TENM1: variants seen among roughly 807,000 people sequenced by gnomAD.
TENM1 encodes the protein teneurin-1.
In TENM1, 35 loss-of-function variants were observed where a neutral mutation model predicts 174.8. That is an observed-to-expected ratio of 0.20 (90% CI 0.15 to 0.27). TENM1 has a LOEUF of 0.27. TENM1 is among the 10% of genes least tolerant of loss of function. The pLI is 1.00. For missense variants in TENM1, 1,633 were observed against 2,130.1 expected, an observed-to-expected ratio of 0.77 and a Z score of 4.59; for synonymous variants, 781 against 798.7, an observed-to-expected ratio of 0.98 and a Z score of 0.37.
At chrX:124,442,822 C>T (rs1331092953) in intron 23 of TENM1, among the ~76,000 whole-genome samples, 2 of 109,593 alleles carry the variant, frequency 1.8e-5, no homozygotes, top group African/African-American at 3.3e-5. Flanking sequence ...CCACCATGCC[C>T]GACTAATGTT....
the TENM1 span, among the ~76,000 whole-genome samples, chrX:125,022,802 A>T: frequency 8.9e-6 from 1 of 111,896 alleles, no homozygotes; most frequent in Admixed American, 9.5e-5. Context: ...TTAGGGCTAC[A>T]TTAGTTGTGT....
chrX:124,745,187 C>T (rs1243257734), intron 3 of TENM1, among the ~76,000 whole-genome samples: 1 of 111,160 alleles, frequency 9.0e-6, no homozygotes, highest in African/African-American at 3.3e-5. Flanking sequence ...AAGAAAGATC[C>T]CCTGTACTCC....
chrX:124,578,697 G>A (rs2049230057), intron 11 of TENM1, among the ~76,000 whole-genome samples: 1 of 111,659 alleles, frequency 9.0e-6, no homozygotes, highest in Non-Finnish European at 1.9e-5. Context: ...TCTCACAAAA[G>A]CCTCCTCATC....
intron 7 of TENM1, 101 bp downstream of exon 10, chrX:124,653,483 C>T: frequency 1.6e-6 from 1 of 639,082 alleles, no homozygotes; most frequent in South Asian, 2.9e-5. Flanking sequence ...TTTTTCTGTC[C>T]TTACCTTTGA....
chrX:124,931,466 A>G (rs2058169943), intron 1 of TENM1, among the ~76,000 whole-genome samples: 1 of 111,152 alleles, frequency 9.0e-6, no homozygotes, highest in Non-Finnish European at 1.9e-5. Context: ...GCTGTCAGGC[A>G]CACCTGTTCT....
At chrX:125,000,496 T>C in the TENM1 span, among the ~76,000 whole-genome samples, 1 of 111,899 alleles carries the variant, frequency 8.9e-6, no homozygotes, top group South Asian at 3.7e-4. Flanking sequence ...TTTAGGAGGC[T>C]CATGTTTCTA....
intron 23 of TENM1, among the ~76,000 whole-genome samples, chrX:124,444,641 G>GT (rs1205592661): frequency 1.3e-3 from 140 of 103,992 alleles, no homozygotes; most frequent in African/African-American, 1.5e-3. Context: ...TGTGGCTAAA[G>GT]TTTTTTTTTT....
At chrX:125,138,075 C>T in the TENM1 span, among the ~76,000 whole-genome samples, 1 of 110,858 alleles carries the variant, frequency 9.0e-6, no homozygotes, top group African/African-American at 3.3e-5. Flanking sequence ...TCACCCCTCC[C>T]CTATAGGTCT....
rs188741802 is a variant in TENM1, at chrX:124,917,869, C to T, written c.218-21628G>A. Among the ~76,000 whole-genome samples, 295 of 112,144 alleles carry T rather than the reference C, an allele frequency of 2.6e-3. 1 individual carries two copies. The highest frequency in any genetic ancestry group is 3.8e-3 in the Non-Finnish European group (204 of 53,287). On this transcript the variant is annotated intron_variant, in intron 1 of 31. Coordinates refer to ENST00000422452, the Ensembl canonical transcript of TENM1. The stretch of plus-strand genomic sequence containing the variant: ...AATAAAGCCACTTGACTATTATTTG[C>T]TCATCACTCTTCCATGATAGCCAGG...
chrX:124,512,579 A>G (rs751373884), intron 18 of TENM1, among the ~76,000 whole-genome samples: 16 of 111,433 alleles, frequency 1.4e-4, no homozygotes, highest in Non-Finnish European at 2.8e-4. Flanking sequence ...ATCAGTTACC[A>G]CTGATACTTC....
the TENM1 span, among the ~76,000 whole-genome samples, chrX:125,099,361 T>A: frequency 1.8e-5 from 2 of 112,280 alleles, no homozygotes; most frequent in African/African-American, 6.5e-5. Context: ...ATGCACAGAT[T>A]CCGTGGCAAT....
At chrX:124,977,071 G>C in the TENM1 span, among the ~76,000 whole-genome samples, 1 of 111,893 alleles carries the variant, frequency 8.9e-6, no homozygotes, top group African/African-American at 3.2e-5. Flanking sequence ...CATTGAACTT[G>C]GAGTCAGGAA....
At chrX:125,099,858 T>A in the TENM1 span, among the ~76,000 whole-genome samples, 1 of 112,035 alleles carries the variant, frequency 8.9e-6, no homozygotes, top group South Asian at 3.7e-4. Context: ...TTCTAAATTA[T>A]CCTTTTAATA....
chrX:124,511,669 T>A (rs751641951), intron 18 of TENM1, among the ~76,000 whole-genome samples: 1 of 112,396 alleles, frequency 8.9e-6, no homozygotes, highest in East Asian at 2.8e-4. Flanking sequence ...ATAATATATG[T>A]GAAAGTAGTT....
At chrX:124,871,957 A>C (rs2057116250) in intron 3 of TENM1, among the ~76,000 whole-genome samples, 1 of 105,410 alleles carries the variant, frequency 9.5e-6, no homozygotes, top group Non-Finnish European at 1.9e-5. Context: ...GCTTGAACCC[A>C]GGAGGCCGAG....
intron 22 of TENM1, among the ~76,000 whole-genome samples, chrX:124,475,752 T>C (rs1164109303): frequency 3.6e-5 from 4 of 111,641 alleles, no homozygotes; most frequent in African/African-American, 1.3e-4. Flanking sequence ...CTTATACAGA[T>C]GAGTACTCCC....
intron 1 of TENM1, among the ~76,000 whole-genome samples, chrX:124,904,283 A>G (rs1334624181): frequency 1.8e-5 from 2 of 111,950 alleles, no homozygotes; most frequent in Non-Finnish European, 3.8e-5. Context: ...AGATGCCAAG[A>G]TAGAATGGTA....
At chrX:125,135,336 T>C in the TENM1 span, among the ~76,000 whole-genome samples, 2 of 111,949 alleles carry the variant, frequency 1.8e-5, no homozygotes, top group Non-Finnish European at 3.8e-5. Context: ...AAGCACCTTC[T>C]GCATTACTGG....
At chrX:125,031,700 T>C in the TENM1 span, among the ~76,000 whole-genome samples, 1 of 111,907 alleles carries the variant, frequency 8.9e-6, no homozygotes, top group Non-Finnish European at 1.9e-5. Flanking sequence ...CGAGATGGCA[T>C]TGCTCCTCTG....
Sources: allele counts gnomAD v4.1 joint callset (sites outside exome capture counted in the v4.1 genomes callset), GRCh38; gene constraint gnomAD v4.1.1; transcripts MANE v1.5; gene names NCBI Gene and HGNC (gene_info 2026-07-23, HGNC 2026-07-21).